The following EXPH5 variants were observed in gnomAD, a reference collection of about 807,000 sequenced individuals.
EXPH5 encodes the protein exophilin 5.
In EXPH5, 42 loss-of-function variants were observed where a neutral mutation model predicts 41.1. The ratio of observed to expected loss-of-function variants is 1.02; its 90% CI spans 0.80 to 1.32. The LOEUF is 1.32. EXPH5 is among the 40% of genes most tolerant of loss of function. The pLI, the probability that EXPH5 is intolerant of heterozygous loss-of-function variation, is 0.00. For synonymous variants in EXPH5, 798 were observed against 833.5 expected (o/e 0.96, Z 0.73); for missense variants, 2,298 against 2,314.5 (o/e 0.99, Z 0.15).
intron 1 of EXPH5, among the ~76,000 whole-genome samples, chr11:108,581,738 T>A (rs970847366): frequency 6.6e-6 from 1 of 151,784 alleles, no homozygotes; most frequent in South Asian, 2.1e-4. Flanking sequence ...ATCAATAAAT[T>A]TGATAAACCT....
chr11:108,582,032 A>T (rs2094099845), intron 1 of EXPH5, among the ~76,000 whole-genome samples: 1 of 152,200 alleles, frequency 6.6e-6, no homozygotes, highest in Non-Finnish European at 1.5e-5. Flanking sequence ...CCCATTCCAG[A>T]TGGTTTCATT....
Position 108,510,024 on chromosome 11 carries a change from T to C in EXPH5, c.5483A>G (p.Asn1828Ser). Residue 1828 changes from asparagine (N) to serine (S), a missense_variant, in exon 6 of 6, where the codon AAT becomes AGT. By Grantham distance (46) the Asn-to-Ser change is conservative (BLOSUM62 1). Transcript: ENST00000265843. ...CCCAAGGGTCAGTCGACTCAGGGCA[T>C]TGTCAATAGAAGTGCTTTCAGAAAA... is the stretch of plus-strand genomic sequence containing the variant. ...RHFSESTSID[N>S]ALSRLTLGNE... 1 of 1,613,608 alleles carries C rather than the reference T, an allele frequency of 6.2e-7. No homozygotes were observed. Among genetic ancestry groups the C allele is most frequent in the Non-Finnish European group, 8.5e-7 (1 of 1,179,798 alleles).
Position 108,514,330 on chromosome 11 carries a change from A to T in EXPH5, c.1177T>A (p.Ser393Thr), listed in dbSNP as rs749755512. ...ENQEEFLRAP[S>T]PMEIDPADKY... Reference sequence around the variant, plus strand: ...TCAGCGGGATCAATTTCCATTGGTGATGGTGCCCTCAGGAACTCTTCCTGG... The same window carrying T: ...TCAGCGGGATCAATTTCCATTGGTGTTGGTGCCCTCAGGAACTCTTCCTGG... The change falls in exon 6 of 6, where the codon TCA becomes ACA. Residue 393 changes from serine to threonine, a missense_variant. Physicochemically the swap from Ser to Thr is moderately conservative, Grantham distance 58. Transcript: ENST00000265843. 3.8e-5 allele frequency: 62 copies of T among 1,613,258 alleles called. No individual in the cohort carries two copies. The highest frequency in any genetic ancestry group is 5.3e-5 in the Non-Finnish European group (62 of 1,179,622).
At chr11:108,585,751 T>A (rs2094111145) in intron 1 of EXPH5, among the ~76,000 whole-genome samples, 1 of 152,202 alleles carries the variant, frequency 6.6e-6, no homozygotes, top group Non-Finnish European at 1.5e-5. Flanking sequence ...ATTCCACTAC[T>A]AATAAAAATC....
chr11:108,520,138 C>T (rs1475752057), intron 4 of EXPH5, among the ~76,000 whole-genome samples: 1 of 152,040 alleles, frequency 6.6e-6, no homozygotes, highest in Non-Finnish European at 1.5e-5. Flanking sequence ...GCCTGAGCTC[C>T]GCCTCCAGTC....
chr11:108,525,438 C>G (rs1347847022), intron 4 of EXPH5, among the ~76,000 whole-genome samples: 1 of 152,166 alleles, frequency 6.6e-6, no homozygotes, highest in African/African-American at 2.4e-5. Flanking sequence ...CTGCAATACG[C>G]AGGAGTCCAA....
chr11:108,549,217 C>T (rs1161716742), intron 1 of EXPH5, among the ~76,000 whole-genome samples: 1 of 152,198 alleles, frequency 6.6e-6, no homozygotes, highest in Non-Finnish European at 1.5e-5. Flanking sequence ...TACCCTGAGG[C>T]TGATCAACTT....
chr11:108,514,186 T>A lies in EXPH5; in HGVS notation c.1321A>T (p.Thr441Ser). Residue 441 changes from threonine (T) to serine (S), a missense_variant, in exon 6 of 6, where the codon ACT becomes TCT. By Grantham distance (58) the Thr-to-Ser change is moderately conservative. Transcript: ENST00000265843. ...GGCATGTTCTCTGAGTTCTCAAAAG[T>A]GTCGGGACTCATTGCATTCTCCATG... ...APMENAMSPD[T>S]FENSENMPFY... The A allele has an allele frequency of 6.2e-7, 1 of 1,614,224 alleles. No individual in the cohort carries two copies. The highest frequency in any genetic ancestry group is 1.1e-5 in the South Asian group (1 of 91,074).
At chr11:108,605,260 T>C in the EXPH5 span, among the ~76,000 whole-genome samples, 3 of 152,192 alleles carry the variant, frequency 2.0e-5, no homozygotes, top group Admixed American at 6.5e-5. Flanking sequence ...GTGACCCTTC[T>C]GCTGGGGCTC....
intron 4 of EXPH5, among the ~76,000 whole-genome samples, chr11:108,519,774 AC>A (rs2093752608): frequency 1.3e-5 from 2 of 151,016 alleles, no homozygotes; most frequent in African/African-American, 4.9e-5. Flanking sequence ...AGAAAAAAAA[AC>A]CCACAAAAAA....
chr11:108,587,079 A>C (rs2094115425), intron 1 of EXPH5, among the ~76,000 whole-genome samples: 1 of 151,842 alleles, frequency 6.6e-6, no homozygotes, highest in Admixed American at 6.6e-5. Context: ...CTCAATTTTA[A>C]GACCCTGCTG....
At chr11:108,557,026 G>T (rs1449886145) in intron 1 of EXPH5, among the ~76,000 whole-genome samples, 1 of 152,136 alleles carries the variant, frequency 6.6e-6, no homozygotes, top group African/African-American at 2.4e-5. Flanking sequence ...CTTCAGACTT[G>T]TTCCCTCCAT....
At position 108,593,747 on chromosome 11, in the gene EXPH5, T is replaced by C. The variant is rs2094134307; in HGVS notation, c.-211A>G. ...CCTTAATGACATGTTTCTCTCAACC[T>C]GTCCAACCGAGATGCAAAGTGAACG... is the stretch of plus-strand genomic sequence containing the variant. On this transcript the variant is annotated 5_prime_UTR_variant, in exon 1 of 6. Coordinates refer to ENST00000265843, the MANE Select transcript of EXPH5 (RefSeq NM_015065.3). 13 of 1,536,236 alleles carry C rather than the reference T, an allele frequency of 8.5e-6. No homozygotes were observed. The highest frequency in any genetic ancestry group is 2.4e-5 in the East Asian group (1 of 40,896).
Position 108,523,292 on chromosome 11 carries a change from A to T in EXPH5, c.492+4844T>A, listed in dbSNP as rs2640769. ...GAATTAAGTAGGAATTATCATTCCC[A>T]TTTTTTCAGATGAGGAAACTGTATC... On this transcript the variant is annotated intron_variant, in intron 4 of 5. Transcript: ENST00000265843. Among the ~76,000 whole-genome samples the T allele has an allele frequency of 6.4e-3, 978 of 152,222 alleles. 5 individuals carry two copies. The highest frequency in any genetic ancestry group is 0.011 in the Non-Finnish European group (754 of 67,994).
chr11:108,565,823 G>A (rs2094032141), intron 1 of EXPH5, among the ~76,000 whole-genome samples: 1 of 152,078 alleles, frequency 6.6e-6, no homozygotes, highest in East Asian at 1.9e-4. Flanking sequence ...TTAAACCCAG[G>A]GTGCCAACCA....
At chr11:108,529,639 G>A (rs1183431239) in intron 3 of EXPH5, among the ~76,000 whole-genome samples, 2 of 152,238 alleles carry the variant, frequency 1.3e-5, no homozygotes, top group East Asian at 3.9e-4. Flanking sequence ...GAGGCCAGGA[G>A]TTCGAGACCA....
Position 108,539,159 on chromosome 11 carries a change from G to A in EXPH5, c.308C>T (p.Ser103Phe). The change falls in exon 3 of 6, where the codon TCT (serine) becomes TTT (phenylalanine). Residue 103 changes from serine to phenylalanine, a missense_variant. Coordinates refer to ENST00000265843, the MANE Select transcript of EXPH5 (RefSeq NM_015065.3). The part of the protein sequence containing the change: ...NDPIELPTSR[S>F]KNVTNQKKPT... ...CTTTTTTTGATTAGTTACATTTTTA[G>A]ATCTTGATGTAGGTAATTCTATCGG... The A allele has an allele frequency of 6.2e-7, 1 of 1,603,510 alleles. No individual in the cohort carries two copies.
chr11:108,550,562 T>G (rs1008198068), intron 1 of EXPH5, among the ~76,000 whole-genome samples: 3 of 152,168 alleles, frequency 2.0e-5, no homozygotes, highest in Admixed American at 2.0e-4. Flanking sequence ...ACGGATCATT[T>G]GAGGCCAGGA....
intron 4 of EXPH5, among the ~76,000 whole-genome samples, chr11:108,526,221 C>A (rs561358405): frequency 6.6e-6 from 1 of 152,142 alleles, no homozygotes; most frequent in African/African-American, 2.4e-5. Flanking sequence ...CTCTTCCCAG[C>A]CTCTCTCTTA....
Sources: gnomAD v4.1 joint callset for allele counts (sites outside exome capture counted in the v4.1 genomes callset) on GRCh38, gnomAD v4.1.1 for gene constraint, MANE v1.5 for transcripts, NCBI Gene and HGNC (gene_info 2026-07-23, HGNC 2026-07-21) for gene names.